The following RARS1 variants were observed in gnomAD, a reference collection of about 807,000 sequenced individuals.
RARS1 encodes arginine--tRNA ligase, cytoplasmic.
A neutral mutation model predicts 78.7 loss-of-function variants in RARS1; 75 were observed. That is an observed-to-expected ratio of 0.95 (90% CI 0.79 to 1.15). The LOEUF (loss-of-function observed/expected upper bound fraction) is 1.15. Among genes scored for constraint, RARS1 ranks in the 50% most tolerant of loss-of-function variants. The pLI is 0.00. For missense variants in RARS1, 787 were observed against 787.5 expected (o/e 1.00, Z 0.01); for synonymous variants, 273 against 268.2 (o/e 1.02, Z -0.18).
intron 9 of RARS1, 114 bp from the exon 10 acceptor site, chr5:168,505,907 T>G: frequency 1.1e-6 from 1 of 931,676 alleles, no homozygotes; most frequent in Non-Finnish European, 1.6e-6. Context: ...CTCTAATAAA[T>G]ATATTTCAAA....
intron 13 of RARS1, 35 bp downstream of exon 13, chr5:168,516,985 A>C: frequency 6.3e-7 from 1 of 1,578,968 alleles, no homozygotes; most frequent in Non-Finnish European, 8.6e-7. Flanking sequence ...ATTGTGAATC[A>C]AATGAAAGCA....
rs148662195 is a variant in RARS1 at position 168,506,160 on chromosome 5, A to C, written c.1197A>C (p.Glu399Asp). 1.1e-5 allele frequency: 18 copies of C among 1,583,136 alleles called. No homozygotes were observed. In the African/African-American group the frequency reaches 1.6e-4, roughly 14 times the overall value. Residue 399 changes from glutamate (E) to aspartate (D), a missense_variant, in exon 10 of 15, where the codon GAA becomes GAC. By Grantham distance (45) the Glu-to-Asp change is conservative (BLOSUM62 2). Transcript: ENST00000231572. Reference sequence around the variant, plus strand: ...CTATTAAACAAAGACTATTTGAGGAAAAAGCAGATATGATTATCTATGTTG... The same window carrying C: ...CTATTAAACAAAGACTATTTGAGGACAAAGCAGATATGATTATCTATGTTG... Reference protein sequence around the residue: ...LAAIKQRLFEEKADMIIYVVD... With the variant: ...LAAIKQRLFEDKADMIIYVVD...
intron 2 of RARS1, 41 bp downstream of exon 2, chr5:168,488,777 CATT>C: frequency 6.5e-7 from 1 of 1,533,666 alleles, no homozygotes; most frequent in Non-Finnish European, 8.8e-7. Context: ...CAGTTTGAAT[CATT>C]ATAGCTTTTT....
intron 6 of RARS1, among the ~76,000 whole-genome samples, chr5:168,496,687 T>C (rs928571672): frequency 6.6e-6 from 1 of 152,020 alleles, no homozygotes; most frequent in Non-Finnish European, 1.5e-5. Flanking sequence ...TTTCACCATG[T>C]TGGCCAGGCG....
In RARS1 at chr5:168,506,721, G is replaced by A. The variant is rs779711593; in HGVS notation, c.1237-1G>A. On this transcript the variant is annotated splice_acceptor_variant, in intron 10 of 14. Coordinates refer to ENST00000231572, the MANE Select transcript of RARS1 (RefSeq NM_002887.4). LOFTEE classifies it high-confidence loss of function. ...CAAGTAACTTTCCGTTTCTGTTGTA[G>A]TCTGTGCACTTCCAGACAATATTTG... The A allele has an allele frequency of 4.4e-6, 7 of 1,606,078 alleles. No individual in the cohort carries two copies. Among genetic ancestry groups the A allele is most frequent in the Non-Finnish European group, 6.0e-6 (7 of 1,174,356 alleles).
intron 2 of RARS1, among the ~76,000 whole-genome samples, chr5:168,491,695 T>C (rs1758088261): frequency 6.6e-6 from 1 of 152,214 alleles, no homozygotes; most frequent in Admixed American, 6.5e-5. Flanking sequence ...GTGATAATAG[T>C]AACAAGCTCG....
rs2290632 is a variant in RARS1, at chr5:168,510,957, A to T, written c.1452+271A>T. ...CGTGCTGCTTAACAGCAGTTCCCAA[A>T]GATGGGAGAATATTGCAGACTGAAG... On this transcript the variant is annotated intron_variant, in intron 12 of 14. Transcript: ENST00000231572. 0.17 allele frequency among the ~76,000 whole-genome samples: 26,385 copies of T among 152,224 alleles called. 2,820 individuals are homozygous for T. The highest frequency in any genetic ancestry group is 0.3 in the Admixed American group (4,539 of 15,284).
Position 168,493,011 on chromosome 5 carries a change from CT to C in RARS1, c.369+170del, listed in dbSNP as rs34484619. 0.15 allele frequency: 86,902 copies of C among 596,842 alleles called. 7,583 individuals carry two copies. The highest frequency in any genetic ancestry group is 0.18 in the Non-Finnish European group (62,975 of 358,458). The allele number at this position is 596,842 out of a possible 1,614,324, so 37.0% of individuals were successfully genotyped here. A position where few individuals can be genotyped will look rare whatever the true frequency, so the allele number is the denominator to read the frequency against. ...GGAGTTGGGGGGGTATATGTTTTAA[CT>C]TTTTTAGGCACAATTTTTAAGGTTT... is the stretch of plus-strand genomic sequence containing the variant. On this transcript the variant is annotated intron_variant, in intron 3 of 14. Coordinates refer to ENST00000231572, the MANE Select transcript of RARS1 (RefSeq NM_002887.4).
intron 9 of RARS1, among the ~76,000 whole-genome samples, chr5:168,502,611 G>A (rs1393137838): frequency 1.5e-5 from 2 of 135,086 alleles, no homozygotes; most frequent in Non-Finnish European, 3.1e-5. Flanking sequence ...TTACTCTGTC[G>A]CCTAGGCTGG....
In RARS1 at chr5:168,519,232, C is replaced by T; in HGVS notation, c.*42C>T. The T allele has an allele frequency of 6.8e-7, 1 of 1,469,322 alleles. No individual in the cohort carries two copies. The highest frequency in any genetic ancestry group is 9.4e-7 in the Non-Finnish European group (1 of 1,058,260). 91.0% of individuals were successfully genotyped at this position (1,469,322 alleles called of 1,614,324 possible). A position where few individuals can be genotyped will look rare whatever the true frequency, so the allele number is the denominator to read the frequency against. ...ACACTGTGTGTTTTTACCAAAGTGG[C>T]CATTGGCACTGTTTGCTTTTTTACA... On this transcript the variant is annotated 3_prime_UTR_variant, in exon 15 of 15. Transcript: ENST00000231572.
chr5:168,516,315 C>A (rs1030495251), intron 12 of RARS1, among the ~76,000 whole-genome samples: 2 of 152,258 alleles, frequency 1.3e-5, no homozygotes, highest in African/African-American at 4.8e-5. Flanking sequence ...AATACTTGAG[C>A]AAATATTAGC....
rs201624228 is a variant in RARS1, at chr5:168,502,016, A to G, written c.968A>G (p.Tyr323Cys). The G allele has an allele frequency of 1.2e-5, 19 of 1,589,382 alleles. No individual in the cohort carries two copies. The highest frequency in any genetic ancestry group is 1.7e-4 in the Middle Eastern group (1 of 5,998). Reference sequence around the variant, plus strand: ...TCTTCCCTAGAGTTAAATAAAATCTATGATGCATTGGACGTCTCTTTAATA... The same window carrying G: ...TCTTCCCTAGAGTTAAATAAAATCTGTGATGCATTGGACGTCTCTTTAATA... ...DVSRQELNKI[Y>C]DALDVSLIER... is the part of the protein sequence containing the mutation. Residue 323 changes from tyrosine to cysteine, a missense_variant, in exon 9 of 15, where the codon TAT becomes TGT. Physicochemically the swap from Tyr to Cys is radical, Grantham distance 194. Transcript: ENST00000231572.
intron 9 of RARS1, among the ~76,000 whole-genome samples, chr5:168,505,524 TG>T (rs1298926703): frequency 6.6e-6 from 1 of 152,054 alleles, no homozygotes; most frequent in African/African-American, 2.4e-5. Flanking sequence ...GGCTCCAGCT[TG>T]AAAGCAAAGC....
At chr5:168,494,925 C>T (rs2152903915) in intron 5 of RARS1, 1 of 363,768 alleles carries the variant, frequency 2.7e-6, no homozygotes, top group Admixed American at 4.4e-5. Context: ...CACTTTTATA[C>T]TGAAATTTAA....
chr5:168,495,576 C>T, intron 6 of RARS1, 140 bp downstream of exon 6: 1 of 1,309,190 alleles, frequency 7.6e-7, no homozygotes, highest in Non-Finnish European at 1.0e-6. Context: ...TTTACAACCA[C>T]CCAGTAAGCT....
In RARS1 at chr5:168,518,053, A is replaced by G; in HGVS notation, c.1864A>G (p.Arg622Gly). Residue 622 changes from arginine to glycine, a missense_variant, in exon 14 of 15, where the codon AGA becomes GGA. Arg to Gly is a moderately radical substitution (Grantham distance 125). Coordinates refer to ENST00000231572, the MANE Select transcript of RARS1 (RefSeq NM_002887.4). ...YDSCYCVEKD[R>G]QTGKILKVNM... ...TAGCTGCTACTGTGTGGAGAAAGATAGACAGACTGGTGAGTGTCTTTTTTT... is the reference window on the plus strand; with the variant it reads ...TAGCTGCTACTGTGTGGAGAAAGATGGACAGACTGGTGAGTGTCTTTTTTT... 1.7e-6 allele frequency: 2 copies of G among 1,170,914 alleles called. No homozygotes were observed. Among genetic ancestry groups the G allele is most frequent in the South Asian group, 1.5e-5 (1 of 67,812 alleles). 72.5% of individuals were successfully genotyped at this position (1,170,914 alleles called of 1,614,324 possible). A position where few individuals can be genotyped will look rare whatever the true frequency, so the allele number is the denominator to read the frequency against.
intron 6 of RARS1, among the ~76,000 whole-genome samples, chr5:168,495,733 G>C (rs1256566652): frequency 6.6e-6 from 1 of 152,204 alleles, no homozygotes; most frequent in Non-Finnish European, 1.5e-5. Context: ...TCCTAGCAGG[G>C]AGAGAAGTAG....
Position 168,500,683 on chromosome 5 carries a change from A to C in RARS1, c.915A>C (p.Thr305=). 3 of 1,610,554 alleles carry C rather than the reference A, an allele frequency of 1.9e-6. No homozygotes were observed. The highest frequency in any genetic ancestry group is 2.5e-6 in the Non-Finnish European group (3 of 1,179,142). Residue 305 remains threonine, a synonymous_variant, in exon 8 of 15, where the codon ACA becomes ACC. Coordinates refer to ENST00000231572, the MANE Select transcript of RARS1 (RefSeq NM_002887.4). ...TCCAGGGTAAAAACCCAGATATTAC[A>C]AAAGCTTGGAAGCTTATCTGTGATG... ...VLLQGKNPDI[T]KAWKLICDVS...
chr5:168,508,139 T>C (rs950673331), intron 11 of RARS1, among the ~76,000 whole-genome samples: 1 of 152,214 alleles, frequency 6.6e-6, no homozygotes, highest in Non-Finnish European at 1.5e-5. Flanking sequence ...TCTTAGTTTC[T>C]TAACGGTTGG....
Sources: allele counts gnomAD v4.1 joint callset (sites outside exome capture counted in the v4.1 genomes callset), GRCh38; gene constraint gnomAD v4.1.1; transcripts MANE v1.5; gene names NCBI Gene and HGNC (gene_info 2026-07-23, HGNC 2026-07-21).